The following NDUFAF2 variants were observed in gnomAD, a reference collection of about 807,000 sequenced individuals.
The protein encoded by NDUFAF2 is NADH:ubiquinone oxidoreductase complex assembly factor 2.
NDUFAF2 carries 13 observed loss-of-function variants against 22.8 expected under a neutral mutation model. The observed-to-expected ratio is 0.57, with a 90% CI of 0.37 to 0.91. The LOEUF is 0.91. Among genes scored for constraint, NDUFAF2 ranks in the 40% least tolerant of loss-of-function variants. The pLI is 0.01. For missense variants in NDUFAF2, 162 were observed against 195.2 expected (o/e 0.83, Z 1.01); for synonymous variants, 53 against 64.2 (o/e 0.83, Z 0.84).
At chr5:61,007,811 C>T (rs1385307942) in intron 1 of NDUFAF2, among the ~76,000 whole-genome samples, 1 of 152,056 alleles carries the variant, frequency 6.6e-6, no homozygotes, top group African/African-American at 2.4e-5. Flanking sequence ...GGTATATACC[C>T]AAAGGACTAT....
intron 3 of NDUFAF2, among the ~76,000 whole-genome samples, chr5:61,109,276 CTATTGATTTTGTA>C (rs373457951): frequency 6.6e-6 from 1 of 152,082 alleles, no homozygotes; most frequent in African/African-American, 2.4e-5. Flanking sequence ...TATAGAAATG[CTATTGATTTTGTA>C]TGTTGATTTT....
At chr5:60,953,724 A>G (rs548106742) in intron 1 of NDUFAF2, among the ~76,000 whole-genome samples, 1 of 152,310 alleles carries the variant, frequency 6.6e-6, no homozygotes, top group South Asian at 2.1e-4. Context: ...GGAGTAGCCT[A>G]TGAATTGAGG....
intron 1 of NDUFAF2, among the ~76,000 whole-genome samples, chr5:61,070,302 A>T (rs768189799): frequency 2.6e-5 from 4 of 152,178 alleles, no homozygotes; most frequent in Non-Finnish European, 5.9e-5. Context: ...GTAAGTGTAC[A>T]GTTTGTGCAT....
intron 1 of NDUFAF2, among the ~76,000 whole-genome samples, chr5:61,070,573 T>G (rs1020692536): frequency 3.3e-5 from 5 of 149,496 alleles, no homozygotes; most frequent in Admixed American, 1.4e-4. Context: ...ACTAGCTCAT[T>G]AATTACTCTT....
At chr5:61,018,392 C>T (rs974649009) in intron 1 of NDUFAF2, among the ~76,000 whole-genome samples, 2 of 152,214 alleles carry the variant, frequency 1.3e-5, no homozygotes, top group African/African-American at 4.8e-5. Flanking sequence ...TGTCTATAGT[C>T]ATTATATTCT....
At chr5:60,973,746 G>C (rs1462378584) in intron 1 of NDUFAF2, among the ~76,000 whole-genome samples, 12 of 152,112 alleles carry the variant, frequency 7.9e-5, no homozygotes, top group Non-Finnish European at 1.5e-5. Context: ...TCTTTATTAA[G>C]TCCTCTGGTT....
chr5:61,023,218 A>C (rs908097626), intron 1 of NDUFAF2, among the ~76,000 whole-genome samples: 1 of 151,748 alleles, frequency 6.6e-6, no homozygotes, highest in Non-Finnish European at 1.5e-5. Context: ...CTTTTTCTTA[A>C]GTGATTTTTT....
intron 1 of NDUFAF2, among the ~76,000 whole-genome samples, chr5:60,957,745 C>G (rs895703003): frequency 5.9e-5 from 9 of 152,090 alleles, no homozygotes; most frequent in African/African-American, 7.2e-5. Context: ...ACTTTCAGCC[C>G]CTGCTAGTGG....
At chr5:61,078,748 A>G (rs1473514958) in intron 2 of NDUFAF2, among the ~76,000 whole-genome samples, 1 of 152,092 alleles carries the variant, frequency 6.6e-6, no homozygotes, top group Non-Finnish European at 1.5e-5. Context: ...CTCACAAGAA[A>G]AAAAAAAATA....
At chr5:61,147,791 A>G (rs1392529151) in intron 3 of NDUFAF2, among the ~76,000 whole-genome samples, 3 of 152,150 alleles carry the variant, frequency 2.0e-5, no homozygotes, top group Non-Finnish European at 4.4e-5. Context: ...TGTATTGTAC[A>G]GCATAGGTCT....
At chr5:61,123,410 T>C (rs569240217) in intron 3 of NDUFAF2, among the ~76,000 whole-genome samples, 1 of 152,244 alleles carries the variant, frequency 6.6e-6, no homozygotes, top group South Asian at 2.1e-4. Context: ...TATAAACCTG[T>C]ACAGCATGCT....
intron 1 of NDUFAF2, among the ~76,000 whole-genome samples, chr5:61,010,118 C>G (rs910122223): frequency 3.3e-5 from 5 of 152,090 alleles, no homozygotes; most frequent in African/African-American, 9.7e-5. Flanking sequence ...TCACTTTCTC[C>G]TGAACTATAA....
intron 2 of NDUFAF2, among the ~76,000 whole-genome samples, chr5:61,079,605 G>T (rs1189828097): frequency 6.6e-6 from 1 of 152,214 alleles, no homozygotes; most frequent in South Asian, 2.1e-4. Context: ...GAATAGAAAA[G>T]ATTAGAGAGA....
rs113197627 is a variant in NDUFAF2 at position 60,965,714 on chromosome 5, T to C, written c.127+20332T>C. Among the ~76,000 whole-genome samples, 370 of 152,334 alleles carry C rather than the reference T, an allele frequency of 2.4e-3. 1 individual carries two copies. The highest frequency in any genetic ancestry group is 4.1e-3 in the Non-Finnish European group (281 of 68,030). ...TGGCAGATTTCCCTCTTTTTAAATG[T>C]TTAATAGAGTTCCATTGTGTATATA... On this transcript the variant is annotated intron_variant, in intron 1 of 3. Transcript: ENST00000296597.
intron 1 of NDUFAF2, among the ~76,000 whole-genome samples, chr5:61,045,186 TAA>T (rs1350013613): frequency 7.6e-5 from 8 of 104,614 alleles, no homozygotes; most frequent in African/African-American, 1.2e-4. Flanking sequence ...TAAAATAAAA[TAA>T]AGTTTTATTA....
intron 2 of NDUFAF2, among the ~76,000 whole-genome samples, chr5:61,079,082 C>T (rs1485469897): frequency 1.3e-5 from 2 of 152,146 alleles, no homozygotes; most frequent in Non-Finnish European, 2.9e-5. Context: ...TTACTTATCA[C>T]ATATACTCAT....
At chr5:61,031,117 G>C (rs936785730) in intron 1 of NDUFAF2, among the ~76,000 whole-genome samples, 6 of 152,016 alleles carry the variant, frequency 3.9e-5, no homozygotes, top group African/African-American at 1.4e-4. Context: ...ATTGATATGG[G>C]CGGTAGGCTC....
At chr5:60,947,900 A>G (rs186713689) in intron 1 of NDUFAF2, among the ~76,000 whole-genome samples, 1 of 152,300 alleles carries the variant, frequency 6.6e-6, no homozygotes, top group Non-Finnish European at 1.5e-5. Context: ...CTACAATAAC[A>G]TGAATATTTT....
chr5:61,062,822 A>G (rs1752182111), intron 1 of NDUFAF2, among the ~76,000 whole-genome samples: 1 of 152,182 alleles, frequency 6.6e-6, no homozygotes, highest in Non-Finnish European at 1.5e-5. Flanking sequence ...ATCAAGTCAC[A>G]TATTAAGAAA....
Sources: allele counts gnomAD v4.1 joint callset (sites outside exome capture counted in the v4.1 genomes callset), GRCh38; gene constraint gnomAD v4.1.1; transcripts MANE v1.5; gene names NCBI Gene and HGNC (gene_info 2026-07-23, HGNC 2026-07-21).